The following KCNMA1 variants were observed in gnomAD, a reference collection of about 807,000 sequenced individuals.
KCNMA1 encodes the protein Calcium-activated potassium channel subunit alpha-1.
Under a neutral mutation model 140.0 loss-of-function variants are expected in KCNMA1, and 29 were observed. The observed-to-expected ratio is 0.21, with a 90% CI of 0.15 to 0.28. The LOEUF (loss-of-function observed/expected upper bound fraction) is 0.28. KCNMA1 is among the 10% of genes least tolerant of loss of function. KCNMA1 has a pLI of 1.00. For synonymous variants in KCNMA1, 612 were observed against 611.9 expected (o/e 1.00, Z 0.00); for missense variants, 880 against 1,602.2 (o/e 0.55, Z 7.70).
chr10:77,534,801 A>G (rs191215328), intron 1 of KCNMA1, among the ~76,000 whole-genome samples: 2 of 152,276 alleles, frequency 1.3e-5, no homozygotes, highest in East Asian at 3.9e-4. Context: ...CGTTTGATCA[A>G]TGTTCTTTCT....
intron 1 of KCNMA1, among the ~76,000 whole-genome samples, chr10:77,542,104 T>C (rs1325979485): frequency 6.6e-6 from 1 of 152,198 alleles, no homozygotes; most frequent in Non-Finnish European, 1.5e-5. Context: ...GCCTGGTCCC[T>C]TCCATCATGT....
intron 19 of KCNMA1, chr10:76,995,236 G>A (rs554847781): frequency 1.8e-4 from 29 of 164,718 alleles, no homozygotes; most frequent in East Asian, 1.2e-3. Flanking sequence ...CTTAATTAAC[G>A]TTTTAAATGA....
intron 1 of KCNMA1, among the ~76,000 whole-genome samples, chr10:77,454,743 A>G (rs906099389): frequency 1.3e-5 from 2 of 152,210 alleles, no homozygotes; most frequent in Admixed American, 6.5e-5. Flanking sequence ...GCATACTCAA[A>G]ATGTCATGGT....
At chr10:77,518,109 T>C (rs576373274) in intron 1 of KCNMA1, among the ~76,000 whole-genome samples, 13 of 152,322 alleles carry the variant, frequency 8.5e-5, no homozygotes, top group African/African-American at 2.9e-4. Context: ...TCCAGGCAAG[T>C]TGATCTTGTT....
intron 2 of KCNMA1, among the ~76,000 whole-genome samples, chr10:77,337,667 A>G (rs891203180): frequency 2.0e-5 from 3 of 152,204 alleles, no homozygotes; most frequent in Admixed American, 6.5e-5. Flanking sequence ...ATATTGAAAA[A>G]TCATTTATTA....
At chr10:76,980,890 T>C (rs11597111) in intron 19 of KCNMA1, among the ~76,000 whole-genome samples, 20,516 of 152,196 alleles carry the variant, frequency 0.13, 1,566 homozygotes, top group African/African-American at 0.21. Flanking sequence ...TAAAGCCACA[T>C]TGTTGGGTCT....
intron 1 of KCNMA1, among the ~76,000 whole-genome samples, chr10:77,535,919 G>A (rs1381608725): frequency 6.6e-6 from 1 of 152,198 alleles, no homozygotes; most frequent in African/African-American, 2.4e-5. Context: ...AGAGGGATTG[G>A]TTGATAGGTG....
intron 1 of KCNMA1, among the ~76,000 whole-genome samples, chr10:77,474,556 C>T (rs1434241703): frequency 6.6e-6 from 1 of 152,106 alleles, no homozygotes; most frequent in Non-Finnish European, 1.5e-5. Context: ...TGTGAGCCAC[C>T]CAGGCGATGG....
chr10:77,265,292 T>C (rs2063127483), intron 2 of KCNMA1, among the ~76,000 whole-genome samples: 2 of 152,142 alleles, frequency 1.3e-5, no homozygotes, highest in South Asian at 2.1e-4. Context: ...CCTCAAATGA[T>C]CCAACCGCCT....
At chr10:77,526,051 C>A (rs1290181220) in intron 1 of KCNMA1, among the ~76,000 whole-genome samples, 1 of 152,198 alleles carries the variant, frequency 6.6e-6, no homozygotes, top group Non-Finnish European at 1.5e-5. Flanking sequence ...ATGGTCCCTG[C>A]CTTGACTCTG....
At chr10:77,382,903 T>TACAC (rs1276166864) in intron 2 of KCNMA1, among the ~76,000 whole-genome samples, 1 of 92,700 alleles carries the variant, frequency 1.1e-5, no homozygotes, top group Non-Finnish European at 2.0e-5. Context: ...TATATATATA[T>TACAC]ACACACACAC....
chr10:77,273,510 T>A (rs2065768320), intron 2 of KCNMA1, among the ~76,000 whole-genome samples: 1 of 152,212 alleles, frequency 6.6e-6, no homozygotes, highest in Admixed American at 6.5e-5. Context: ...TAAAAAATTT[T>A]ATAGCAACCT....
At chr10:77,255,696 G>T (rs1179099080) in intron 2 of KCNMA1, among the ~76,000 whole-genome samples, 2 of 151,952 alleles carry the variant, frequency 1.3e-5, no homozygotes, top group African/African-American at 4.8e-5. Flanking sequence ...GGGGGATCAC[G>T]AGGTCAGGAG....
intron 1 of KCNMA1, among the ~76,000 whole-genome samples, chr10:77,626,630 T>A (rs1365142933): frequency 1.3e-5 from 2 of 152,146 alleles, no homozygotes; most frequent in African/African-American, 4.8e-5. Context: ...ACAACGTCAA[T>A]GTGGCAACTT....
In KCNMA1 at chr10:77,021,994, A is replaced by G. The variant is rs186709687; in HGVS notation, c.1929-2895T>C. ...CATTCCAAATCTAGAAAGTTTAAAT[A>G]AAATGCTAATCCCCGTCTTCTTCAA... is the stretch of plus-strand genomic sequence containing the variant. On this transcript the variant is annotated intron_variant, in intron 16 of 27. Transcript: ENST00000286628. 2.2e-3 allele frequency among the ~76,000 whole-genome samples: 332 copies of G among 152,352 alleles called. 2 individuals carry two copies. Among genetic ancestry groups the G allele is most frequent in the Non-Finnish European group, 2.0e-3 (137 of 68,026 alleles).
intron 2 of KCNMA1, among the ~76,000 whole-genome samples, chr10:77,338,452 C>T (rs937147300): frequency 7.2e-5 from 11 of 152,164 alleles, no homozygotes; most frequent in Non-Finnish European, 1.0e-4. Flanking sequence ...CAGCTCTCAG[C>T]GAAAATCCTC....
intron 5 of KCNMA1, among the ~76,000 whole-genome samples, chr10:77,179,176 T>C (rs1194591873): frequency 6.6e-6 from 1 of 152,162 alleles, no homozygotes; most frequent in African/African-American, 2.4e-5. Context: ...AATTAGCCCA[T>C]TGTACAGGTG....
At chr10:77,637,048 G>C (rs940946119) in intron 1 of KCNMA1, 1 of 1,393,026 alleles carries the variant, frequency 7.2e-7, no homozygotes, top group Non-Finnish European at 9.3e-7. Flanking sequence ...CCGCGTCCCG[G>C]AGCGCACTGG....
At chr10:77,421,236 C>T (rs912935537) in intron 1 of KCNMA1, among the ~76,000 whole-genome samples, 2 of 152,208 alleles carry the variant, frequency 1.3e-5, no homozygotes, top group Admixed American at 6.5e-5. Context: ...CTTCTTCACA[C>T]AGTCATATTC....
Sources: gnomAD v4.1 joint callset for allele counts (sites outside exome capture counted in the v4.1 genomes callset) on GRCh38, gnomAD v4.1.1 for gene constraint, MANE v1.5 for transcripts, NCBI Gene and HGNC (gene_info 2026-07-23, HGNC 2026-07-21) for gene names.